PEX14: variants seen among roughly 807,000 people sequenced by gnomAD.
PEX14 encodes peroxisomal membrane protein PEX14.
PEX14 carries 15 observed loss-of-function variants against 49.5 expected under a neutral mutation model. The observed-to-expected ratio is 0.30, with a 90% CI of 0.20 to 0.47. The LOEUF (loss-of-function observed/expected upper bound fraction) is 0.47, where lower values mean the gene tolerates loss of function less well. PEX14 is among the 20% of genes least tolerant of loss of function. PEX14 has a pLI of 1.00. For synonymous variants in PEX14, 210 were observed against 212.7 expected, an observed-to-expected ratio of 0.99 and a Z score of 0.11; for missense variants, 398 against 494.8, an observed-to-expected ratio of 0.80 and a Z score of 1.86.
intron 3 of PEX14, among the ~76,000 whole-genome samples, chr1:10,550,954 TTTCATCCTAAGCCCCA>T (rs1344183927): frequency 6.6e-6 from 1 of 152,236 alleles, no homozygotes; most frequent in African/African-American, 2.4e-5. Flanking sequence ...CCATGAGGGC[TTTCATCCTAAGCCCCA>T]TTCTTGTGTG....
At chr1:10,598,416 C>G (rs1309616459) in intron 3 of PEX14, among the ~76,000 whole-genome samples, 1 of 152,190 alleles carries the variant, frequency 6.6e-6, no homozygotes, top group East Asian at 1.9e-4. Context: ...CAGCTGTGTC[C>G]CCACTGGAAA....
Position 10,623,008 on chromosome 1 carries a change from G to A in PEX14, c.385-11G>A, listed in dbSNP as rs377127119. 1.2e-5 allele frequency: 19 copies of A among 1,597,560 alleles called. No individual in the cohort carries two copies. The highest frequency in any genetic ancestry group is 2.2e-5 in the East Asian group (1 of 44,730). Reference sequence around the variant, plus strand: ...CCGTATGCATTCCTCACCCTGTCCCGCTTCTTGCAGAAATACCTGCTCCCC... The same window carrying A: ...CCGTATGCATTCCTCACCCTGTCCCACTTCTTGCAGAAATACCTGCTCCCC... On this transcript the variant is annotated splice_polypyrimidine_tract_variant and intron_variant, in intron 5 of 8. Transcript: ENST00000356607. The surrounding 1 kb of genome is among the most constrained non-coding windows in gnomAD (Gnocchi z 4.4).
intron 3 of PEX14, among the ~76,000 whole-genome samples, chr1:10,563,831 G>C (rs1022626593): frequency 9.9e-5 from 15 of 151,802 alleles, no homozygotes; most frequent in African/African-American, 3.6e-4. Flanking sequence ...AGAATGGCGT[G>C]AACCCAGGAG....
At position 10,512,237 on chromosome 1, in the gene PEX14, C is replaced by T. The variant is rs1032980452; in HGVS notation, c.84+16916C>T. On this transcript the variant is annotated intron_variant, in intron 2 of 8. Transcript: ENST00000356607. The surrounding 1 kb of genome is among the most constrained non-coding windows in gnomAD (Gnocchi z 4.6). ...CCTCCCAAAGTGCTGAGATTACAGA[C>T]GTGAGCCACCGTGCCTGGCCCAAGT... Among the ~76,000 whole-genome samples the T allele has an allele frequency of 5.9e-5, 9 of 152,176 alleles. No individual in the cohort carries two copies. Among genetic ancestry groups the T allele is most frequent in the African/African-American group, 1.9e-4 (8 of 41,436 alleles).
At chr1:10,619,566 C>T (rs896473035) in intron 5 of PEX14, among the ~76,000 whole-genome samples, 1 of 151,968 alleles carries the variant, frequency 6.6e-6, no homozygotes, top group Non-Finnish European at 1.5e-5. Flanking sequence ...CCGCCCACCT[C>T]GGCCTCCCAA....
intron 4 of PEX14, among the ~76,000 whole-genome samples, chr1:10,610,292 T>G (rs903378863): frequency 6.8e-6 from 1 of 148,084 alleles, no homozygotes; most frequent in African/African-American, 2.5e-5. Context: ...ACCATCTCAC[T>G]CTGTTGCCCA....
At chr1:10,576,011 C>T (rs185934092) in intron 3 of PEX14, among the ~76,000 whole-genome samples, 1 of 152,138 alleles carries the variant, frequency 6.6e-6, no homozygotes, top group South Asian at 2.1e-4. Flanking sequence ...AACAGTTGAG[C>T]TTTTGAAATA....
At chr1:10,534,338 C>A (rs1312484666) in intron 2 of PEX14, among the ~76,000 whole-genome samples, 3 of 152,084 alleles carry the variant, frequency 2.0e-5, no homozygotes, top group East Asian at 3.9e-4. Flanking sequence ...AGAGCAGGGG[C>A]CTCGCTTCCG....
chr1:10,504,042 A>G (rs1245874861), intron 2 of PEX14, among the ~76,000 whole-genome samples: 1 of 152,148 alleles, frequency 6.6e-6, no homozygotes, highest in Non-Finnish European at 1.5e-5. Context: ...CCCATTTTCC[A>G]GGATAATTGT....
chr1:10,594,180 A>G (rs1640759581), intron 3 of PEX14, among the ~76,000 whole-genome samples: 1 of 152,260 alleles, frequency 6.6e-6, no homozygotes, highest in South Asian at 2.1e-4. Context: ...TCATAAAATA[A>G]AATAAAAATA....
rs1019372586 is a variant in PEX14, at chr1:10,514,246, A to G, written c.84+18925A>G. 6.6e-6 allele frequency among the ~76,000 whole-genome samples: 1 copy of G among 151,254 alleles called. No homozygotes were observed. Among genetic ancestry groups the G allele is most frequent in the Non-Finnish European group, 1.5e-5 (1 of 67,872 alleles). On this transcript the variant is annotated intron_variant, in intron 2 of 8. Coordinates refer to ENST00000356607, the MANE Select transcript of PEX14 (RefSeq NM_004565.3). This position sits in a 1 kb window ranked among gnomAD's most constrained non-coding sequence, Gnocchi z 4.4. ...TCACCTTCTAAAACAGCAGTGAGAA[A>G]CTTCTGTCATCCTTTCTCCCAGTTC... is the stretch of plus-strand genomic sequence containing the variant.
At chr1:10,551,812 G>C (rs1190201781) in intron 3 of PEX14, among the ~76,000 whole-genome samples, 3 of 152,138 alleles carry the variant, frequency 2.0e-5, no homozygotes, top group African/African-American at 7.2e-5. Context: ...AATACAATCA[G>C]AAAGTTATGG....
chr1:10,529,063 T>A lies in PEX14; in HGVS notation c.85-7150T>A, dbSNP rs1638571579. Among the ~76,000 whole-genome samples, 1 of 152,222 alleles carries A rather than the reference T, an allele frequency of 6.6e-6. No individual in the cohort carries two copies. Among genetic ancestry groups the A allele is most frequent in the South Asian group, 2.1e-4 (1 of 4,830 alleles). ...TTCCTCCCCTCTTTGGGTAACTGCTTTGTTGGTTGCATCAAAAATTAGAGG... is the reference window on the plus strand; with the variant it reads ...TTCCTCCCCTCTTTGGGTAACTGCTATGTTGGTTGCATCAAAAATTAGAGG... On this transcript the variant is annotated intron_variant, in intron 2 of 8. Transcript: ENST00000356607. The surrounding 1 kb of genome is among the most constrained non-coding windows in gnomAD (Gnocchi z 4.2).
At chr1:10,546,948 C>T (rs1380660277) in intron 3 of PEX14, among the ~76,000 whole-genome samples, 5 of 152,084 alleles carry the variant, frequency 3.3e-5, no homozygotes, top group African/African-American at 1.2e-4. Context: ...AGTGAAAAGG[C>T]TAGGAGGGTA....
chr1:10,511,675 C>T (rs1641886507), intron 2 of PEX14, among the ~76,000 whole-genome samples: 1 of 152,088 alleles, frequency 6.6e-6, no homozygotes, highest in Admixed American at 6.6e-5. Context: ...GACCGTGGGA[C>T]TGTGACTTCT....
chr1:10,534,434 C>A, intron 2 of PEX14, among the ~76,000 whole-genome samples: 1 of 152,034 alleles, frequency 6.6e-6, no homozygotes, highest in East Asian at 1.9e-4. Context: ...TTGCCTTCTT[C>A]TCCCCACCTT....
intron 2 of PEX14, among the ~76,000 whole-genome samples, chr1:10,517,702 T>TC (rs893676364): frequency 4.6e-5 from 7 of 151,950 alleles, no homozygotes; most frequent in African/African-American, 1.7e-4. Flanking sequence ...TTTTTTTTTT[T>TC]TTAAATGAAG....
At position 10,629,464 on chromosome 1, in the gene PEX14, G is replaced by A. The variant is rs909195067; in HGVS notation, c.678-67G>A. The A allele has an allele frequency of 7.2e-6, 8 of 1,103,586 alleles. No homozygotes were observed. The highest frequency in any genetic ancestry group is 1.5e-5 in the African/African-American group (1 of 65,352). 68.4% of individuals were successfully genotyped at this position (1,103,586 alleles called of 1,614,324 possible). The stretch of plus-strand genomic sequence containing the variant: ...GCCGAGCCCTTGCGGGTCAGGGAAG[G>A]CGTGGCCCTTCGAAGGGGGGCGTCC... On this transcript the variant is annotated intron_variant, in intron 8 of 8. Transcript: ENST00000356607. This position sits in a 1 kb window ranked among gnomAD's most constrained non-coding sequence, Gnocchi z 8.5.
At chr1:10,537,530 GC>G (rs1438281962) in intron 3 of PEX14, among the ~76,000 whole-genome samples, 2 of 152,128 alleles carry the variant, frequency 1.3e-5, no homozygotes, top group Non-Finnish European at 2.9e-5. Flanking sequence ...GGAAAGCTGA[GC>G]CTAAAAGCTG....
Sources: allele counts gnomAD v4.1 joint callset (sites outside exome capture counted in the v4.1 genomes callset), GRCh38; gene constraint gnomAD v4.1.1; non-coding constraint Gnocchi (gnomAD v3.1); transcripts MANE v1.5; gene names NCBI Gene and HGNC (gene_info 2026-07-23, HGNC 2026-07-21).